Variants in MSN observed in about 807,000 individuals in gnomAD.
MSN encodes epididymis luminal protein 70.
In MSN, 2 loss-of-function variants were observed where a neutral mutation model predicts 48.0. The ratio of observed to expected loss-of-function variants is 0.04; its 90% CI spans 0.02 to 0.13. The LOEUF (loss-of-function observed/expected upper bound fraction) is 0.13. Among genes scored for constraint, MSN ranks in the 10% least tolerant of loss-of-function variants. The pLI is 1.00. For synonymous variants in MSN, 146 were observed against 166.9 expected, an observed-to-expected ratio of 0.87 and a Z score of 0.97; for missense variants, 267 against 470.1, an observed-to-expected ratio of 0.57 and a Z score of 3.99.
In MSN at chrX:65,737,016, G is replaced by A. The variant is rs1358255643; in HGVS notation, c.1090+91G>A. The A allele has an allele frequency of 2.6e-6, 3 of 1,146,469 alleles. No individual in the cohort carries two copies. The African/African-American group carries it at 5.4e-5, about 21-fold the overall frequency. 94.5% of individuals were successfully genotyped at this position (1,146,469 alleles called of 1,213,427 possible). A position where few individuals can be genotyped will look rare whatever the true frequency, so the allele number is the denominator to read the frequency against. On this transcript the variant is annotated intron_variant, in intron 9 of 12. Transcript: ENST00000360270. ...TGCCTGAGCTGTAGACTCAGACAAT[G>A]TAGTTCAGGTGTGGCTACAGACTAG...
chrX:65,589,938 T>C (rs1442827433), intron 1 of MSN, among the ~76,000 whole-genome samples: 2 of 108,665 alleles, frequency 1.8e-5, no homozygotes, highest in African/African-American at 3.3e-5. Flanking sequence ...CAATCTCGAC[T>C]CAATGCAACC....
intron 2 of MSN, among the ~76,000 whole-genome samples, chrX:65,723,435 T>C (rs1255382701): frequency 1.8e-5 from 2 of 111,121 alleles, no homozygotes; most frequent in Admixed American, 1.9e-4. Flanking sequence ...CTTAAGGATT[T>C]TTTCCATGGG....
chrX:65,618,123 C>T (rs1215192199), intron 1 of MSN, among the ~76,000 whole-genome samples: 2 of 111,859 alleles, frequency 1.8e-5, no homozygotes, highest in South Asian at 3.7e-4. Context: ...TTCTTCACTT[C>T]CAACTAAGTG....
At chrX:65,638,579 A>G (rs2070624326) in intron 1 of MSN, among the ~76,000 whole-genome samples, 1 of 112,291 alleles carries the variant, frequency 8.9e-6, no homozygotes, top group Non-Finnish European at 1.9e-5. Flanking sequence ...CTTTTGAGAC[A>G]AAGTCTCACT....
chrX:65,709,647 G>A (rs990572025), intron 1 of MSN, among the ~76,000 whole-genome samples: 7 of 112,677 alleles, frequency 6.2e-5, no homozygotes, highest in African/African-American at 1.3e-4. Context: ...TTTGTTTAAC[G>A]AATATTTGAT....
At chrX:65,671,151 C>T (rs1277792964) in intron 1 of MSN, among the ~76,000 whole-genome samples, 1 of 107,286 alleles carries the variant, frequency 9.3e-6, no homozygotes, top group Non-Finnish European at 1.9e-5. Context: ...AAGTCCAATT[C>T]CTCTCATTGT....
chrX:65,588,665 G>A, intron 1 of MSN: 1 of 777,895 alleles, frequency 1.3e-6, no homozygotes, highest in Non-Finnish European at 1.5e-6. Flanking sequence ...GACAGGAAGT[G>A]CCAGCCTGTG....
chrX:65,740,023 A>T lies in MSN; in HGVS notation c.*130A>T. 1 of 751,110 alleles carries T rather than the reference A, an allele frequency of 1.3e-6. No homozygotes were observed. Among genetic ancestry groups the T allele is most frequent in the East Asian group, 3.4e-5 (1 of 29,516 alleles). The allele number at this position is 751,110 out of a possible 1,213,427, so 61.9% of individuals were successfully genotyped here. A position where few individuals can be genotyped will look rare whatever the true frequency, so the allele number is the denominator to read the frequency against. The stretch of plus-strand genomic sequence containing the variant: ...GCCCTGGAGTCATGCCAAGCATTTA[A>T]TGTAGCCATGGGACCAAACCTAGCC... On this transcript the variant is annotated 3_prime_UTR_variant, in exon 13 of 13. Transcript: ENST00000360270.
Position 65,637,797 on chromosome X carries a change from G to A in MSN, c.-22+49185G>A, listed in dbSNP as rs573649580. Among the ~76,000 whole-genome samples, 39 of 111,075 alleles carry A rather than the reference G, an allele frequency of 3.5e-4. No homozygotes were observed. In the South Asian group the frequency reaches 0.012, roughly 35 times the overall value. Reference sequence around the variant, plus strand: ...CCACCTTGGCCTCCTTAAAGTTCTAGGATTACAGGTGTGAACCACCATGCC... The same window carrying A: ...CCACCTTGGCCTCCTTAAAGTTCTAAGATTACAGGTGTGAACCACCATGCC... On this transcript the variant is annotated intron_variant, in intron 1 of 3. Transcript: ENST00000609672.
chrX:65,738,509 T>C lies in MSN; in HGVS notation c.1252-16T>C. On this transcript the variant is annotated splice_polypyrimidine_tract_variant and intron_variant, in intron 10 of 12. Coordinates refer to ENST00000360270, the MANE Select transcript of MSN (RefSeq NM_002444.3). Reference sequence around the variant, plus strand: ...CCAGAAGGCCCAGCTCTCACAGGCTTCCAATTTATCCGTAGGCCTTGGAAA... The same window carrying C: ...CCAGAAGGCCCAGCTCTCACAGGCTCCCAATTTATCCGTAGGCCTTGGAAA... 8.4e-7 allele frequency: 1 copy of C among 1,196,278 alleles called. No homozygotes were observed. The highest frequency in any genetic ancestry group is 1.7e-5 in the African/African-American group (1 of 57,299).
chrX:65,699,227 A>G (rs1279666370), intron 1 of MSN, among the ~76,000 whole-genome samples: 1 of 112,112 alleles, frequency 8.9e-6, no homozygotes, highest in East Asian at 2.8e-4. Flanking sequence ...GAACACTCAG[A>G]CCTACAGGGG....
At chrX:65,669,482 T>C (rs1320464661) in intron 1 of MSN, among the ~76,000 whole-genome samples, 1 of 111,804 alleles carries the variant, frequency 8.9e-6, no homozygotes, top group Non-Finnish European at 1.9e-5. Flanking sequence ...TGCTTCAAAC[T>C]TGCATTAACC....
At chrX:65,665,313 C>T (rs1021045539), upstream of MSN, among the ~76,000 whole-genome samples, 2 of 111,827 alleles carry the variant, frequency 1.8e-5, no homozygotes, top group Admixed American at 9.5e-5. Context: ...GGGCCAATGG[C>T]AGTATTAAGG....
intron 1 of MSN, among the ~76,000 whole-genome samples, chrX:65,687,277 G>A (rs1306976405): frequency 9.0e-6 from 1 of 111,638 alleles, no homozygotes; most frequent in Non-Finnish European, 1.9e-5. Flanking sequence ...GAATCTGGGA[G>A]GCAGAGGTTG....
intron 1 of MSN, among the ~76,000 whole-genome samples, chrX:65,642,491 G>A (rs759064717): frequency 3.6e-5 from 4 of 111,049 alleles, no homozygotes; most frequent in Admixed American, 9.7e-5. Context: ...CACACAAAGC[G>A]ACACAAGTCA....
At chrX:65,636,927 A>T (rs78291634) in intron 1 of MSN, among the ~76,000 whole-genome samples, 2 of 94,794 alleles carry the variant, frequency 2.1e-5, no homozygotes, top group Non-Finnish European at 4.2e-5. Context: ...TAAAAATACA[A>T]AAAAAAAAAA....
intron 1 of MSN, among the ~76,000 whole-genome samples, chrX:65,670,401 T>A (rs1011897439): frequency 1.6e-4 from 18 of 111,164 alleles, no homozygotes; most frequent in Non-Finnish European, 2.6e-4. Flanking sequence ...TAATTGTCCC[T>A]CCTAGTCAGC....
chrX:65,699,461 A>C (rs1393096697), intron 1 of MSN, among the ~76,000 whole-genome samples: 1 of 112,333 alleles, frequency 8.9e-6, no homozygotes, highest in East Asian at 2.8e-4. Flanking sequence ...GGATGAAACA[A>C]ATGATAAGCC....
At chrX:65,665,057 C>T (rs1335571680), upstream of MSN, among the ~76,000 whole-genome samples, 1 of 110,738 alleles carries the variant, frequency 9.0e-6, no homozygotes, top group Non-Finnish European at 1.9e-5. Flanking sequence ...GTCCTTGTTT[C>T]CCTTTTAGTA....
Sources: allele counts gnomAD v4.1 joint callset (sites outside exome capture counted in the v4.1 genomes callset), GRCh38; gene constraint gnomAD v4.1.1; transcripts MANE v1.5; gene names NCBI Gene and HGNC (gene_info 2026-07-23, HGNC 2026-07-21).